The following TERB1 variants were observed in gnomAD, a reference collection of about 807,000 sequenced individuals.
The protein encoded by TERB1 is telomere repeats-binding bouquet formation protein 1.
In TERB1, 63 loss-of-function variants were observed where a neutral mutation model predicts 92.3. That is an observed-to-expected ratio of 0.68 (90% CI 0.56 to 0.84). TERB1 has a LOEUF of 0.84. Ranked by LOEUF, TERB1 falls within the 40% of genes least tolerant of loss-of-function variation. The pLI, the probability that TERB1 is intolerant of heterozygous loss-of-function variation, is 0.00. For synonymous variants in TERB1, 252 were observed against 283.9 expected (o/e 0.89, Z 1.13); for missense variants, 709 against 843.7 (o/e 0.84, Z 1.98).
chr16:66,791,214 C>T (rs2018829778), intron 3 of TERB1, among the ~76,000 whole-genome samples, 195 bp from the exon 4 acceptor site: 1 of 151,756 alleles, frequency 6.6e-6, no homozygotes, highest in African/African-American at 2.4e-5. Flanking sequence ...AAATGAACAT[C>T]TTATAGTTCT....
chr16:66,758,870 A>G, intron 17 of TERB1, 32 bp from the exon 18 acceptor site: 2 of 1,384,320 alleles, frequency 1.4e-6, no homozygotes, highest in Non-Finnish European at 2.0e-6. Context: ...TAGCACATTT[A>G]GCGTATCAAT....
intron 2 of TERB1, among the ~76,000 whole-genome samples, chr16:66,800,533 G>T (rs1283767187): frequency 7.6e-6 from 1 of 131,088 alleles, no homozygotes; most frequent in African/African-American, 3.1e-5. Flanking sequence ...TGGGATTACA[G>T]GCGCCCACCA....
chr16:66,756,171 TTC>T (rs2018135355), intron 18 of TERB1, among the ~76,000 whole-genome samples: 1 of 152,228 alleles, frequency 6.6e-6, no homozygotes, highest in African/African-American at 2.4e-5. Context: ...AGGAGAAGTT[TTC>T]TGTATTTCCA....
At chr16:66,769,046 G>A (rs1023555285) in intron 14 of TERB1, among the ~76,000 whole-genome samples, 20 of 151,796 alleles carry the variant, frequency 1.3e-4, no homozygotes, top group African/African-American at 4.1e-4. Context: ...TGGAGGTTGC[G>A]GTGAGCCGAG....
intron 9 of TERB1, among the ~76,000 whole-genome samples, chr16:66,784,827 G>T (rs866677708): frequency 2.2e-5 from 3 of 137,450 alleles, no homozygotes; most frequent in South Asian, 2.3e-4. Flanking sequence ...CTCAGCCTCT[G>T]CAGGTTCAAG....
At chr16:66,764,761 C>A (rs1165151065) in intron 16 of TERB1, among the ~76,000 whole-genome samples, 8 of 152,166 alleles carry the variant, frequency 5.3e-5, no homozygotes, top group African/African-American at 1.9e-4. Flanking sequence ...GGAGACCAGA[C>A]AAATAGTGGC....
At chr16:66,769,937 A>G (rs2018414663) in intron 14 of TERB1, 26 bp downstream of exon 14, 2 of 1,455,088 alleles carry the variant, frequency 1.4e-6, no homozygotes, top group African/African-American at 2.8e-5. Flanking sequence ...AATAAATAAA[A>G]GTTACACACA....
intron 14 of TERB1, among the ~76,000 whole-genome samples, chr16:66,769,250 T>C (rs1161586334): frequency 1.3e-5 from 2 of 152,156 alleles, no homozygotes; most frequent in Non-Finnish European, 2.9e-5. Context: ...TTCCCATACC[T>C]GAGCAATCAA....
chr16:66,765,426 T>C (rs932961780), intron 16 of TERB1, among the ~76,000 whole-genome samples: 1 of 152,154 alleles, frequency 6.6e-6, no homozygotes, highest in Admixed American at 6.5e-5. Context: ...TTTGTACTTT[T>C]TTATTCTTAT....
Position 66,764,070 on chromosome 16 carries a change from C to CT in TERB1, c.1780+3344dup, listed in dbSNP as rs1477215000. On this transcript the variant is annotated intron_variant, in intron 16 of 18. Transcript: ENST00000433154. ...ACCAAGAAAAGTCTTGAAAGCCATG[C>CT]TAAGGAATTTTAACTCTTCAAGGCA... Among the ~76,000 whole-genome samples the CT allele has an allele frequency of 1.3e-3, 156 of 116,522 alleles. 1 individual carries two copies. The highest frequency in any genetic ancestry group is 6.2e-4 in the Non-Finnish European group (36 of 58,284). The allele number at this position is 116,522 out of a possible 152,430, so 76.4% of individuals were successfully genotyped here.
chr16:66,767,777 G>A (rs1029433637), intron 15 of TERB1, among the ~76,000 whole-genome samples: 3 of 152,022 alleles, frequency 2.0e-5, no homozygotes, highest in African/African-American at 7.2e-5. Context: ...GTCCAGGCTG[G>A]AGTGCAGTGG....
intron 3 of TERB1, among the ~76,000 whole-genome samples, chr16:66,792,412 C>G (rs2018851006): frequency 6.6e-6 from 1 of 152,066 alleles, no homozygotes. Flanking sequence ...TAACATTGTC[C>G]CGAAGAGTCT....
At chr16:66,771,130 C>T (rs542347406) in intron 13 of TERB1, among the ~76,000 whole-genome samples, 3 of 151,858 alleles carry the variant, frequency 2.0e-5, no homozygotes, top group Non-Finnish European at 4.4e-5. Flanking sequence ...AAAAGATCAA[C>T]GATAGCATGG....
chr16:66,762,393 T>G (rs1211037650), intron 16 of TERB1, among the ~76,000 whole-genome samples: 2 of 151,914 alleles, frequency 1.3e-5, no homozygotes, highest in African/African-American at 2.4e-5. Context: ...TGTTTGTTTG[T>G]TTTTTTTCCT....
At chr16:66,778,267 A>T (rs922321067) in intron 10 of TERB1, among the ~76,000 whole-genome samples, 5 of 147,318 alleles carry the variant, frequency 3.4e-5, no homozygotes, top group African/African-American at 5.0e-5. Flanking sequence ...AAAATTTTAA[A>T]TTTTTTTTTT....
At chr16:66,800,392 GTT>G (rs537071270) in intron 2 of TERB1, among the ~76,000 whole-genome samples, 4 of 92,854 alleles carry the variant, frequency 4.3e-5, no homozygotes, top group Non-Finnish European at 5.6e-5. Flanking sequence ...AATAAAGAAA[GTT>G]TTTTTTTTTT....
chr16:66,797,234 CTTTTTTTT>C (rs570658663), intron 2 of TERB1, among the ~76,000 whole-genome samples: 1 of 137,870 alleles, frequency 7.3e-6, no homozygotes, highest in Non-Finnish European at 1.6e-5. Context: ...CATTTCCTTC[CTTTTTTTT>C]TTTTTTTTTG....
chr16:66,789,991 G>A lies in TERB1; in HGVS notation c.271+604C>T, dbSNP rs138160346. Among the ~76,000 whole-genome samples, 112 of 152,198 alleles carry A rather than the reference G, an allele frequency of 7.4e-4. 1 individual carries two copies. The East Asian group carries it at 0.02, about 28-fold the overall frequency. On this transcript the variant is annotated intron_variant, in intron 5 of 18. Transcript: ENST00000433154. ...CTCCCAAAGTGCTGGGATTATAGGC[G>A]TGAGCCACCACGCCTGGCTGATGAA...
intron 3 of TERB1, among the ~76,000 whole-genome samples, chr16:66,793,804 C>G (rs918428102): frequency 6.6e-6 from 1 of 152,036 alleles, no homozygotes; most frequent in African/African-American, 2.4e-5. Context: ...TGAGCCACCA[C>G]GCCCGGCCAT....
Sources: gnomAD v4.1 joint callset for allele counts (sites outside exome capture counted in the v4.1 genomes callset) on GRCh38, gnomAD v4.1.1 for gene constraint, MANE v1.5 for transcripts, NCBI Gene and HGNC (gene_info 2026-07-23, HGNC 2026-07-21) for gene names.